NEGR1: variants seen among roughly 807,000 people sequenced by gnomAD.
The protein encoded by NEGR1 is IgLON family member 4.
Under a neutral mutation model 40.9 loss-of-function variants are expected in NEGR1, and 10 were observed. The ratio of observed to expected loss-of-function variants is 0.24; its 90% CI spans 0.15 to 0.42. NEGR1 has a LOEUF of 0.42. Ranked by LOEUF, NEGR1 falls within the 10% of genes least tolerant of loss-of-function variation. NEGR1 has a pLI of 1.00. For synonymous variants in NEGR1, 185 were observed against 166.8 expected (o/e 1.11, Z -0.84); for missense variants, 352 against 438.9 (o/e 0.80, Z 1.77).
At chr1:72,094,656 T>C (rs760432368) in intron 1 of NEGR1, among the ~76,000 whole-genome samples, 2 of 152,202 alleles carry the variant, frequency 1.3e-5, no homozygotes, top group African/African-American at 2.4e-5. Context: ...GTTTTGCCTT[T>C]ATCTTCATTA....
intron 6 of NEGR1, among the ~76,000 whole-genome samples, chr1:71,473,366 T>G (rs1646796177): frequency 6.6e-6 from 1 of 152,028 alleles, no homozygotes; most frequent in African/African-American, 2.4e-5. Context: ...TAGCAACTAG[T>G]GGATGTCAGA....
chr1:71,772,266 T>C (rs1381393979), intron 3 of NEGR1, among the ~76,000 whole-genome samples: 1 of 152,072 alleles, frequency 6.6e-6, no homozygotes, highest in African/African-American at 2.4e-5. Flanking sequence ...TAGCTGGGTG[T>C]GGTGGCGCAC....
chr1:71,723,688 T>G (rs1654583210), intron 3 of NEGR1, among the ~76,000 whole-genome samples: 1 of 152,096 alleles, frequency 6.6e-6, no homozygotes, highest in Non-Finnish European at 1.5e-5. Context: ...TAAATTGAAG[T>G]GCCTTACAAC....
At position 71,997,896 on chromosome 1, in the gene NEGR1, A is replaced by G. The variant is rs529850469; in HGVS notation, c.177-62585T>C. Among the ~76,000 whole-genome samples, 10 of 152,138 alleles carry G rather than the reference A, an allele frequency of 6.6e-5. No homozygotes were observed. In the East Asian group the frequency reaches 1.4e-3, roughly 21 times the overall value. Reference sequence around the variant, plus strand: ...CCAGTCATAAATTTCCAAAATGTACATGAGGTTTGACACCATACTACCTTC... The same window carrying G: ...CCAGTCATAAATTTCCAAAATGTACGTGAGGTTTGACACCATACTACCTTC... On this transcript the variant is annotated intron_variant, in intron 1 of 6. Coordinates refer to ENST00000357731, the MANE Select transcript of NEGR1 (RefSeq NM_173808.3).
chr1:71,415,370 C>A (rs1646348477), intron 6 of NEGR1, among the ~76,000 whole-genome samples: 1 of 152,020 alleles, frequency 6.6e-6, no homozygotes, highest in African/African-American at 2.4e-5. Flanking sequence ...CTCTGGCCGA[C>A]CAGCATCCTT....
chr1:71,904,999 C>T (rs1661236896), intron 2 of NEGR1, among the ~76,000 whole-genome samples: 1 of 152,092 alleles, frequency 6.6e-6, no homozygotes, highest in African/African-American at 2.4e-5. Context: ...CAGCAGCCAT[C>T]TTAATTCTCT....
intron 1 of NEGR1, among the ~76,000 whole-genome samples, chr1:72,098,998 T>G (rs1196174085): frequency 1.3e-5 from 2 of 151,944 alleles, no homozygotes; most frequent in African/African-American, 4.8e-5. Context: ...AATTTGGAAT[T>G]TAGAATATTA....
intron 1 of NEGR1, among the ~76,000 whole-genome samples, chr1:71,989,173 T>C (rs1164099518): frequency 2.6e-5 from 4 of 152,152 alleles, no homozygotes. Flanking sequence ...AGACCTGTTT[T>C]GCCATCTAAA....
intron 1 of NEGR1, among the ~76,000 whole-genome samples, chr1:71,988,330 G>T (rs1045876696): frequency 3.3e-5 from 5 of 152,064 alleles, no homozygotes; most frequent in African/African-American, 1.2e-4. Context: ...ATGAGGTCAG[G>T]AGATCGAGAC....
intron 1 of NEGR1, among the ~76,000 whole-genome samples, chr1:71,942,417 T>C (rs1382977271): frequency 1.5e-5 from 2 of 134,386 alleles, no homozygotes; most frequent in African/African-American, 5.4e-5. Context: ...TCATATAGTT[T>C]AGTTTTACTT....
At chr1:71,920,528 C>T (rs1645707716) in intron 2 of NEGR1, among the ~76,000 whole-genome samples, 1 of 152,144 alleles carries the variant, frequency 6.6e-6, no homozygotes, top group Non-Finnish European at 1.5e-5. Context: ...TCTGTCCTAG[C>T]CCCTACCTAA....
intron 1 of NEGR1, among the ~76,000 whole-genome samples, chr1:72,192,028 T>C (rs576277111): frequency 6.6e-6 from 1 of 152,106 alleles, no homozygotes; most frequent in Admixed American, 6.6e-5. Context: ...TTACTTGTTT[T>C]ATTTGAAGAA....
intron 1 of NEGR1, among the ~76,000 whole-genome samples, chr1:72,280,225 TGAGTGAACTAAA>T (rs1333504710): frequency 1.3e-5 from 2 of 152,126 alleles, no homozygotes; most frequent in Non-Finnish European, 2.9e-5. Context: ...TTGGAAGCAA[TGAGTGAACTAAA>T]CATGGGTCTC....
chr1:71,749,230 T>C (rs1655489654), intron 3 of NEGR1, among the ~76,000 whole-genome samples: 1 of 152,174 alleles, frequency 6.6e-6, no homozygotes, highest in South Asian at 2.1e-4. Flanking sequence ...TCACAATTTT[T>C]CACAGAATCA....
At position 71,812,296 on chromosome 1, in the gene NEGR1, A is replaced by T. The variant is rs542521024; in HGVS notation, c.410-35999T>A. On this transcript the variant is annotated intron_variant, in intron 2 of 6. Coordinates refer to ENST00000357731, the MANE Select transcript of NEGR1 (RefSeq NM_173808.3). Reference sequence around the variant, plus strand: ...CCACATTTTCTTTATCCAGTCTATCATCAATGGGCATTTGGGTTGATTCCA... The same window carrying T: ...CCACATTTTCTTTATCCAGTCTATCTTCAATGGGCATTTGGGTTGATTCCA... Among the ~76,000 whole-genome samples, 11 of 152,238 alleles carry T rather than the reference A, an allele frequency of 7.2e-5. No individual in the cohort carries two copies. The South Asian group carries it at 2.3e-3, about 32-fold the overall frequency.
intron 1 of NEGR1, among the ~76,000 whole-genome samples, chr1:71,936,776 T>C (rs1182764851): frequency 6.6e-6 from 1 of 151,824 alleles, no homozygotes; most frequent in East Asian, 1.9e-4. Context: ...AGTCATATTC[T>C]GTAACAGGTT....
intron 2 of NEGR1, among the ~76,000 whole-genome samples, chr1:71,927,563 T>C (rs1274215038): frequency 2.0e-5 from 3 of 152,014 alleles, no homozygotes; most frequent in Admixed American, 2.0e-4. Flanking sequence ...GTTTCCCAAA[T>C]TAGGCATAAC....
chr1:71,696,660 C>T (rs1413307825), intron 4 of NEGR1, among the ~76,000 whole-genome samples: 2 of 151,776 alleles, frequency 1.3e-5, no homozygotes. Context: ...TTGTTTGTTA[C>T]CTCTTATTTC....
intron 6 of NEGR1, among the ~76,000 whole-genome samples, chr1:71,483,979 GT>G (rs1467424216): frequency 2.0e-5 from 3 of 151,478 alleles, no homozygotes; most frequent in African/African-American, 7.3e-5. Context: ...ATTATTTTCT[GT>G]ATTCTCTGGA....
Sources: gnomAD v4.1 joint callset for allele counts (sites outside exome capture counted in the v4.1 genomes callset) on GRCh38, gnomAD v4.1.1 for gene constraint, MANE v1.5 for transcripts, NCBI Gene and HGNC (gene_info 2026-07-23, HGNC 2026-07-21) for gene names.